The following PCDH9 variants were observed in gnomAD, a reference collection of about 807,000 sequenced individuals.
PCDH9 encodes protocadherin-9.
Under a neutral mutation model 70.6 loss-of-function variants are expected in PCDH9, and 24 were observed. The observed-to-expected ratio is 0.34, with a 90% CI of 0.25 to 0.48. The LOEUF (loss-of-function observed/expected upper bound fraction) is 0.48, where lower values mean the gene tolerates loss of function less well. Among genes scored for constraint, PCDH9 ranks in the 20% least tolerant of loss-of-function variants. The pLI, the probability that PCDH9 is intolerant of heterozygous loss-of-function variation, is 0.99. For missense variants in PCDH9, 1,281 were observed against 1,503.6 expected (o/e 0.85, Z 2.45); for synonymous variants, 562 against 558.5 (o/e 1.01, Z -0.09).
At chr13:66,751,438 A>C (rs2079456894) in intron 3 of PCDH9, among the ~76,000 whole-genome samples, 1 of 152,184 alleles carries the variant, frequency 6.6e-6, no homozygotes, top group African/African-American at 2.4e-5. Flanking sequence ...AAACAAAATC[A>C]ATTTTAGAAG....
intron 3 of PCDH9, among the ~76,000 whole-genome samples, chr13:66,876,566 G>T (rs1426140033): frequency 1.3e-5 from 2 of 152,032 alleles, no homozygotes; most frequent in Non-Finnish European, 2.9e-5. Context: ...TCAGATATTT[G>T]ATTTTTGTTT....
chr13:66,574,342 A>C (rs2076781530), intron 4 of PCDH9, among the ~76,000 whole-genome samples: 2 of 152,020 alleles, frequency 1.3e-5, no homozygotes, highest in South Asian at 2.1e-4. Context: ...CTCTCTCTCT[A>C]TGTCTTTACT....
intron 3 of PCDH9, among the ~76,000 whole-genome samples, chr13:66,748,128 T>G (rs1441644037): frequency 6.6e-6 from 1 of 152,224 alleles, no homozygotes; most frequent in Non-Finnish European, 1.5e-5. Flanking sequence ...ATTGTAAATT[T>G]AAGAGGTAGG....
intron 4 of PCDH9, among the ~76,000 whole-genome samples, chr13:66,350,271 A>G (rs1566260946): frequency 6.6e-6 from 1 of 152,198 alleles, no homozygotes; most frequent in Non-Finnish European, 1.5e-5. Context: ...TAAAAGCAAC[A>G]TAATTTTTCC....
In PCDH9 at chr13:66,828,810, A is replaced by AAAAAAAAAAAAAAATAAT. The variant is rs71207607; in HGVS notation, c.3138+74693_3138+74694insATTATTTTTTTTTTTTTT. 9.8e-4 allele frequency among the ~76,000 whole-genome samples: 145 copies of AAAAAAAAAAAAAAATAAT among 148,646 alleles called. 1 individual carries two copies. The highest frequency in any genetic ancestry group is 3.4e-3 in the African/African-American group (140 of 40,590). On this transcript the variant is annotated intron_variant, in intron 3 of 4. Transcript: ENST00000377865. Reference sequence around the variant, plus strand: ...TAAATTTTGTTGTAAGCCATACATAAAATAATAATAATAATAATAATAATA... The same window carrying AAAAAAAAAAAAAAATAAT: ...TAAATTTTGTTGTAAGCCATACATAAAAAAAAAAAAAAAATAATAATAATAATAATAATAATAATAATA...
chr13:66,304,483 A>G lies in PCDH9; in HGVS notation c.*172T>C, dbSNP rs1955426664. ...TAAACAAAATTGCATGGCTAGAACT[A>G]TCTTCTCTCATATGTTGCAAAAACA... is the stretch of plus-strand genomic sequence containing the variant. On this transcript the variant is annotated 3_prime_UTR_variant, in exon 5 of 5. Coordinates refer to ENST00000377865, the MANE Select transcript of PCDH9 (RefSeq NM_203487.3). 4.4e-5 allele frequency: 24 copies of G among 545,086 alleles called. No individual in the cohort carries two copies. The highest frequency in any genetic ancestry group is 6.0e-5 in the Admixed American group (2 of 33,092). 33.8% of individuals were successfully genotyped at this position (545,086 alleles called of 1,614,324 possible).
At chr13:66,722,291 C>T (rs904574287) in intron 3 of PCDH9, among the ~76,000 whole-genome samples, 1 of 152,148 alleles carries the variant, frequency 6.6e-6, no homozygotes, top group African/African-American at 2.4e-5. Context: ...CATAACTGCA[C>T]TCAGTGTTTT....
intron 4 of PCDH9, among the ~76,000 whole-genome samples, chr13:66,597,656 T>C (rs1055444498): frequency 3.3e-5 from 5 of 151,682 alleles, no homozygotes; most frequent in African/African-American, 9.7e-5. Context: ...AAAGCCTTTA[T>C]AACATCGTTC....
At chr13:67,050,679 C>G (rs1033444461) in intron 2 of PCDH9, among the ~76,000 whole-genome samples, 1 of 152,182 alleles carries the variant, frequency 6.6e-6, no homozygotes, top group Admixed American at 6.6e-5. Context: ...ATGATTGGAA[C>G]AGTGACTCTG....
chr13:66,746,210 C>T (rs2079360399), intron 3 of PCDH9, among the ~76,000 whole-genome samples: 2 of 152,048 alleles, frequency 1.3e-5, no homozygotes, highest in Admixed American at 6.6e-5. Context: ...TTACTTACAC[C>T]ATCTAAAAAC....
chr13:66,485,620 G>C (rs1011617912), intron 4 of PCDH9, among the ~76,000 whole-genome samples: 3 of 149,814 alleles, frequency 2.0e-5, no homozygotes, highest in Admixed American at 1.3e-4. Context: ...TATAGAGAGA[G>C]AGACAGAGAC....
intron 4 of PCDH9, among the ~76,000 whole-genome samples, chr13:66,453,926 T>C (rs1196594331): frequency 6.6e-6 from 1 of 152,110 alleles, no homozygotes; most frequent in African/African-American, 2.4e-5. Context: ...ACTCAGAACA[T>C]AAACACATAG....
At chr13:66,831,757 T>G (rs1314710882) in intron 3 of PCDH9, among the ~76,000 whole-genome samples, 3 of 152,138 alleles carry the variant, frequency 2.0e-5, no homozygotes, top group Non-Finnish European at 4.4e-5. Context: ...ATTTATAATG[T>G]GAGTCACCAG....
At chr13:66,753,425 A>C (rs749368244) in intron 3 of PCDH9, among the ~76,000 whole-genome samples, 2 of 152,202 alleles carry the variant, frequency 1.3e-5, no homozygotes, top group African/African-American at 4.8e-5. Context: ...TCTAATCACT[A>C]TATACATATC....
intron 3 of PCDH9, among the ~76,000 whole-genome samples, chr13:66,894,069 T>A (rs1020581269): frequency 6.6e-6 from 1 of 152,134 alleles, no homozygotes; most frequent in Non-Finnish European, 1.5e-5. Flanking sequence ...GGCATATGGA[T>A]CTCCTGATGG....
At chr13:66,413,962 T>G (rs1368735874) in intron 4 of PCDH9, among the ~76,000 whole-genome samples, 1 of 152,062 alleles carries the variant, frequency 6.6e-6, no homozygotes, top group African/African-American at 2.4e-5. Flanking sequence ...TATCTTCAAA[T>G]GTGGTTCTTT....
chr13:66,517,200 T>C (rs559769266), intron 4 of PCDH9, among the ~76,000 whole-genome samples: 2 of 152,274 alleles, frequency 1.3e-5, no homozygotes, highest in East Asian at 3.9e-4. Flanking sequence ...AGAACAATTT[T>C]TAGAAATTTA....
At chr13:67,144,143 C>T (rs1022953781) in intron 2 of PCDH9, among the ~76,000 whole-genome samples, 2 of 152,124 alleles carry the variant, frequency 1.3e-5, no homozygotes, top group Non-Finnish European at 2.9e-5. Context: ...CTTTAGAACT[C>T]TAGAACAGCA....
intron 3 of PCDH9, among the ~76,000 whole-genome samples, chr13:66,733,768 C>T (rs1219564420): frequency 1.3e-5 from 2 of 151,056 alleles, no homozygotes; most frequent in Admixed American, 6.6e-5. Context: ...AAAGACTGTA[C>T]TTTGAAAAAT....
Sources: allele counts gnomAD v4.1 joint callset (sites outside exome capture counted in the v4.1 genomes callset), GRCh38; gene constraint gnomAD v4.1.1; transcripts MANE v1.5; gene names NCBI Gene and HGNC (gene_info 2026-07-23, HGNC 2026-07-21).